Variants in DRC11 observed in about 807,000 individuals in gnomAD.
The protein encoded by DRC11 is dynein regulatory complex subunit 11.
the DRC11 span, chr2:236,324,916 T>TAA: frequency 1.6e-6 from 1 of 622,134 alleles, no homozygotes; most frequent in Non-Finnish European, 2.8e-6. This position sits in a 1 kb window ranked among gnomAD's most constrained non-coding sequence, Gnocchi z 5.7. Context: ...AAGGTATGCT[T>TAA]GACACAAGCT....
chr2:236,461,781 T>C, the DRC11 span, among the ~76,000 whole-genome samples: 9 of 152,190 alleles, frequency 5.9e-5, no homozygotes, highest in Non-Finnish European at 1.3e-4. This position sits in a 1 kb window ranked among gnomAD's most constrained non-coding sequence, Gnocchi z 4.0. Flanking sequence ...TGCCCAAGCT[T>C]ACACAGCTAT....
the DRC11 span, among the ~76,000 whole-genome samples, chr2:236,456,159 A>G: frequency 6.6e-6 from 1 of 152,190 alleles, no homozygotes; most frequent in African/African-American, 2.4e-5. This position sits in a 1 kb window ranked among gnomAD's most constrained non-coding sequence, Gnocchi z 5.4. Flanking sequence ...TGGACTTCCT[A>G]TAGGTTTAAC....
chr2:236,399,310 A>G, the DRC11 span: 1 of 950,760 alleles, frequency 1.1e-6, no homozygotes. The surrounding 1 kb of genome is among the most constrained non-coding windows in gnomAD (Gnocchi z 7.0). Context: ...AAATAGAGAC[A>G]GGCAGAATGT....
At chr2:236,316,580 T>C in the DRC11 span, among the ~76,000 whole-genome samples, 1 of 152,122 alleles carries the variant, frequency 6.6e-6, no homozygotes, top group Admixed American at 6.5e-5. The surrounding 1 kb of genome is among the most constrained non-coding windows in gnomAD (Gnocchi z 6.8). Flanking sequence ...AAGAAAGAAA[T>C]AGACAACCCA....
At chr2:236,442,976 G>C in the DRC11 span, among the ~76,000 whole-genome samples, 1 of 152,144 alleles carries the variant, frequency 6.6e-6, no homozygotes, top group Non-Finnish European at 1.5e-5. Flanking sequence ...GAAATGGCTG[G>C]TTCAGTCTGA....
the DRC11 span, chr2:236,407,714 T>G: frequency 1.8e-5 from 5 of 271,658 alleles, no homozygotes; most frequent in Non-Finnish European, 3.6e-5. Flanking sequence ...TTCCCCCCTG[T>G]GATCCTCTCT....
chr2:236,413,594 G>A, the DRC11 span, among the ~76,000 whole-genome samples: 1 of 152,224 alleles, frequency 6.6e-6, no homozygotes, highest in African/African-American at 2.4e-5. The surrounding 1 kb of genome is among the most constrained non-coding windows in gnomAD (Gnocchi z 4.0). Flanking sequence ...TTGGAGAGGA[G>A]GAGCTGTGGT....
chr2:236,314,338 GATAAAGT>G, the DRC11 span, among the ~76,000 whole-genome samples: 1 of 152,190 alleles, frequency 6.6e-6, no homozygotes, highest in Non-Finnish European at 1.5e-5. The surrounding 1 kb of genome is among the most constrained non-coding windows in gnomAD (Gnocchi z 4.5). Flanking sequence ...CACGAAATGT[GATAAAGT>G]ATAGTTTCAA....
chr2:236,358,249 G>A, the DRC11 span, among the ~76,000 whole-genome samples: 9 of 127,038 alleles, frequency 7.1e-5, 1 homozygote, highest in South Asian at 4.6e-4. Context: ...ATATATAGAT[G>A]TATACTATAT....
the DRC11 span, among the ~76,000 whole-genome samples, chr2:236,492,106 C>T: frequency 6.6e-6 from 1 of 152,200 alleles, no homozygotes; most frequent in Non-Finnish European, 1.5e-5. Flanking sequence ...TGCAACTCCT[C>T]AATACTGGAC....
the DRC11 span, chr2:236,338,319 G>A: frequency 8.1e-6 from 13 of 1,613,828 alleles, no homozygotes; most frequent in Admixed American, 3.3e-5. Flanking sequence ...ATCAGAATCC[G>A]GTCATCTGGT....
the DRC11 span, among the ~76,000 whole-genome samples, chr2:236,434,250 G>A: frequency 6.6e-6 from 1 of 152,222 alleles, no homozygotes; most frequent in South Asian, 2.1e-4. The surrounding 1 kb of genome is among the most constrained non-coding windows in gnomAD (Gnocchi z 5.5). Flanking sequence ...TTGATTCAAT[G>A]TTATGCTCGT....
the DRC11 span, among the ~76,000 whole-genome samples, chr2:236,395,350 C>T: frequency 6.6e-6 from 1 of 152,206 alleles, no homozygotes; most frequent in African/African-American, 2.4e-5. Flanking sequence ...ATAATCCTTT[C>T]CAGTGAGAGC....
chr2:236,493,134 TGGC>T, the DRC11 span, among the ~76,000 whole-genome samples: 10 of 152,162 alleles, frequency 6.6e-5, 2 homozygotes, highest in South Asian at 4.1e-4. Flanking sequence ...ACATCTCATA[TGGC>T]GGCAGACAAG....
the DRC11 span, among the ~76,000 whole-genome samples, chr2:236,339,140 C>T: frequency 1.3e-5 from 2 of 152,194 alleles, no homozygotes; most frequent in Non-Finnish European, 2.9e-5. Context: ...GCCATTTTTG[C>T]TCCCATTTGG....
At chr2:236,429,234 T>C in the DRC11 span, among the ~76,000 whole-genome samples, 2 of 152,358 alleles carry the variant, frequency 1.3e-5, no homozygotes, top group South Asian at 4.1e-4. This position sits in a 1 kb window ranked among gnomAD's most constrained non-coding sequence, Gnocchi z 5.9. Context: ...AGCTGGAGTC[T>C]GTGATGTTGG....
chr2:236,420,231 G>C, the DRC11 span, among the ~76,000 whole-genome samples: 6 of 152,216 alleles, frequency 3.9e-5, no homozygotes, highest in Non-Finnish European at 5.9e-5. The surrounding 1 kb of genome is among the most constrained non-coding windows in gnomAD (Gnocchi z 4.8). Context: ...CAGTATCCCA[G>C]CCAGGGACAC....
chr2:236,325,478 C>T, the DRC11 span, among the ~76,000 whole-genome samples: 1 of 152,160 alleles, frequency 6.6e-6, no homozygotes, highest in African/African-American at 2.4e-5. The surrounding 1 kb of genome is among the most constrained non-coding windows in gnomAD (Gnocchi z 4.4). Context: ...CTCTTTAGGG[C>T]ACACATTTAG....
the DRC11 span, among the ~76,000 whole-genome samples, chr2:236,357,457 A>G: frequency 7.9e-6 from 1 of 126,814 alleles, no homozygotes; most frequent in South Asian, 2.3e-4. Flanking sequence ...TAAATTATAT[A>G]TATTTACATA....
Sources: gnomAD v4.1 joint callset for allele counts (sites outside exome capture counted in the v4.1 genomes callset) on GRCh38, gnomAD v4.1.1 for gene constraint, Gnocchi (gnomAD v3.1) non-coding constraint, MANE v1.5 for transcripts, NCBI Gene and HGNC (gene_info 2026-07-23, HGNC 2026-07-21) for gene names.